Variants in ZNF804A observed in about 807,000 individuals in gnomAD.
ZNF804A encodes the protein zinc finger protein 804A.
ZNF804A carries 2 observed loss-of-function variants against 16.5 expected under a neutral mutation model. That is an observed-to-expected ratio of 0.12 (90% CI 0.05 to 0.38). The LOEUF (loss-of-function observed/expected upper bound fraction) is 0.38, where lower values mean the gene tolerates loss of function less well. ZNF804A is among the 10% of genes least tolerant of loss of function. ZNF804A has a pLI of 0.99. For missense variants in ZNF804A, 1,473 were observed against 1,390.7 expected, an observed-to-expected ratio of 1.06 and a Z score of -0.94; for synonymous variants, 534 against 489.6, an observed-to-expected ratio of 1.09 and a Z score of -1.20.
At chr2:184,637,486 T>C (rs1485489612) in intron 1 of ZNF804A, among the ~76,000 whole-genome samples, 1 of 152,230 alleles carries the variant, frequency 6.6e-6, no homozygotes, top group Non-Finnish European at 1.5e-5. Flanking sequence ...TAACATTTTA[T>C]TGCTGTATTC....
intron 1 of ZNF804A, among the ~76,000 whole-genome samples, chr2:184,759,109 C>A (rs530436851): frequency 1.3e-5 from 2 of 150,418 alleles, no homozygotes; most frequent in African/African-American, 4.9e-5. Context: ...TATATTATAT[C>A]TAATCTGTAT....
chr2:184,840,685 T>G (rs1212164058), intron 1 of ZNF804A, among the ~76,000 whole-genome samples: 1 of 152,082 alleles, frequency 6.6e-6, no homozygotes, highest in East Asian at 1.9e-4. Context: ...AGCAACCAAT[T>G]TCTCCCTTCC....
intron 1 of ZNF804A, among the ~76,000 whole-genome samples, chr2:184,623,435 A>G (rs1329210665): frequency 1.3e-5 from 2 of 152,078 alleles, no homozygotes; most frequent in African/African-American, 4.8e-5. Flanking sequence ...ATTATTGAAG[A>G]TTTTTCAAGT....
At chr2:184,789,761 T>A (rs1694505187) in intron 1 of ZNF804A, among the ~76,000 whole-genome samples, 2 of 152,116 alleles carry the variant, frequency 1.3e-5, no homozygotes, top group Non-Finnish European at 2.9e-5. Flanking sequence ...TTTTTGTTTA[T>A]CCTTTCAAGA....
chr2:184,823,028 A>T (rs1695106167), intron 1 of ZNF804A, among the ~76,000 whole-genome samples: 1 of 152,162 alleles, frequency 6.6e-6, no homozygotes. Context: ...TACTATAACA[A>T]AATGCCCCAG....
At chr2:184,835,048 T>G (rs1175753902) in intron 1 of ZNF804A, among the ~76,000 whole-genome samples, 2 of 152,150 alleles carry the variant, frequency 1.3e-5, no homozygotes, top group African/African-American at 4.8e-5. Flanking sequence ...GTTAGGGATT[T>G]AAATGTTAAA....
chr2:184,627,707 C>A (rs1691528216), intron 1 of ZNF804A, among the ~76,000 whole-genome samples: 1 of 152,196 alleles, frequency 6.6e-6, no homozygotes, highest in South Asian at 2.1e-4. Flanking sequence ...TCAAAATTTG[C>A]CATGATTATT....
intron 1 of ZNF804A, among the ~76,000 whole-genome samples, chr2:184,614,375 G>A (rs1023438474): frequency 4.6e-5 from 7 of 152,258 alleles, no homozygotes; most frequent in African/African-American, 1.7e-4. Context: ...ATAGGTATGG[G>A]CAAAGACTTC....
intron 1 of ZNF804A, among the ~76,000 whole-genome samples, chr2:184,799,523 ACTT>A (rs574926178): frequency 9.7e-4 from 147 of 151,806 alleles, no homozygotes; most frequent in African/African-American, 2.6e-3. Flanking sequence ...AGTATCTTCT[ACTT>A]CTTCTTTTTT....
At chr2:184,699,459 A>G (rs193007291) in intron 1 of ZNF804A, among the ~76,000 whole-genome samples, 78 of 152,240 alleles carry the variant, frequency 5.1e-4, no homozygotes, top group African/African-American at 1.8e-3. Flanking sequence ...GAAATTTGGC[A>G]TAGAAGATGA....
Position 184,599,058 on chromosome 2 carries a change from G to T in ZNF804A, c.99G>T (p.Gly33=). The T allele has an allele frequency of 6.2e-7, 1 of 1,612,114 alleles. No individual in the cohort carries two copies. The highest frequency in any genetic ancestry group is 8.5e-7 in the Non-Finnish European group (1 of 1,178,492). The change falls in exon 1 of 4, where the codon GGG becomes GGT. Residue 33 remains glycine, a synonymous_variant. Transcript: ENST00000302277. ...GVFRGPLSKN[G]NKTLDYAEKE... The stretch of plus-strand genomic sequence containing the variant: ...TCCGGGGCCCTCTCAGCAAGAACGG[G>T]AACAAAACTCTGGTAATCGCTTCTG...
At chr2:184,684,293 G>A (rs1412801153) in intron 1 of ZNF804A, among the ~76,000 whole-genome samples, 1 of 152,118 alleles carries the variant, frequency 6.6e-6, no homozygotes, top group Non-Finnish European at 1.5e-5. Flanking sequence ...CTAACAGTAG[G>A]GGTACACAAA....
chr2:184,731,749 T>C (rs559411547), intron 1 of ZNF804A, among the ~76,000 whole-genome samples: 36 of 151,960 alleles, frequency 2.4e-4, no homozygotes, highest in Non-Finnish European at 4.7e-4. Context: ...TTTATTTTTA[T>C]TTTTCTGTAG....
At chr2:184,642,363 T>C (rs1390382921) in intron 1 of ZNF804A, among the ~76,000 whole-genome samples, 2 of 152,148 alleles carry the variant, frequency 1.3e-5, no homozygotes, top group Non-Finnish European at 2.9e-5. Flanking sequence ...CCTTCCATTT[T>C]CTTTGCTTTC....
At chr2:184,674,674 A>G (rs141371475) in intron 1 of ZNF804A, among the ~76,000 whole-genome samples, 1 of 151,868 alleles carries the variant, frequency 6.6e-6, no homozygotes, top group Admixed American at 6.6e-5. Context: ...TGGAGGATAT[A>G]TAAGTGTGAA....
rs748942408 is a variant in ZNF804A at position 184,598,694 on chromosome 2, C to A, written c.-266C>A. 34 of 263,402 alleles carry A rather than the reference C, an allele frequency of 1.3e-4. No homozygotes were observed. The highest frequency in any genetic ancestry group is 4.0e-4 in the African/African-American group (18 of 44,658). The allele number at this position is 263,402 out of a possible 1,614,324, so 16.3% of individuals were successfully genotyped here. ...GCCCCCTCCTAGGCTGGAATCCTCC[C>A]GCGGGGCTCGTCGTCCCGACGCGAA... On this transcript the variant is annotated 5_prime_UTR_variant, in exon 1 of 4. Coordinates refer to ENST00000302277, the MANE Select transcript of ZNF804A (RefSeq NM_194250.2).
intron 1 of ZNF804A, among the ~76,000 whole-genome samples, chr2:184,815,535 T>C (rs1694970994): frequency 6.6e-6 from 1 of 151,878 alleles, no homozygotes; most frequent in African/African-American, 2.4e-5. Context: ...TACTTGATTT[T>C]ATTTTCATGA....
intron 1 of ZNF804A, among the ~76,000 whole-genome samples, chr2:184,742,195 AG>A (rs1693718726): frequency 6.6e-6 from 1 of 152,016 alleles, no homozygotes; most frequent in African/African-American, 2.4e-5. Context: ...TATATAGACA[AG>A]TATTTTTGTG....
chr2:184,742,283 T>C (rs1285523335), intron 1 of ZNF804A, among the ~76,000 whole-genome samples: 1 of 152,026 alleles, frequency 6.6e-6, no homozygotes, highest in Non-Finnish European at 1.5e-5. Context: ...TTGTTAAACC[T>C]GTGTAAGTGT....
Sources: gnomAD v4.1 joint callset for allele counts (sites outside exome capture counted in the v4.1 genomes callset) on GRCh38, gnomAD v4.1.1 for gene constraint, MANE v1.5 for transcripts, NCBI Gene and HGNC (gene_info 2026-07-23, HGNC 2026-07-21) for gene names.